The following KCNIP1 variants were observed in gnomAD, a reference collection of about 807,000 sequenced individuals.
KCNIP1 encodes A-type potassium channel modulatory protein KCNIP1.
Under a neutral mutation model 33.0 loss-of-function variants are expected in KCNIP1, and 18 were observed. The observed-to-expected ratio is 0.55, with a 90% CI of 0.38 to 0.81. The LOEUF (loss-of-function observed/expected upper bound fraction) is 0.81, where lower values mean the gene tolerates loss of function less well. Ranked by LOEUF, KCNIP1 falls within the 30% of genes least tolerant of loss-of-function variation. The probability of loss-of-function intolerance (pLI) is 0.00; values close to 1 mark genes in which losing one functional copy is unlikely to be tolerated. For missense variants in KCNIP1, 238 were observed against 271.6 expected (o/e 0.88, Z 0.87); for synonymous variants, 93 against 98.3 (o/e 0.95, Z 0.32).
intron 1 of KCNIP1, chr5:170,376,939 T>C (rs1421954169): frequency 6.6e-6 from 1 of 152,216 alleles, no homozygotes; most frequent in Non-Finnish European, 1.5e-5. Flanking sequence ...TAAACACCTA[T>C]GATGTGTCAA....
intron 1 of KCNIP1, among the ~76,000 whole-genome samples, chr5:170,701,339 A>C (rs1282576105): frequency 6.6e-6 from 1 of 152,198 alleles, no homozygotes; most frequent in East Asian, 1.9e-4. Flanking sequence ...TTGGGACTTA[A>C]ATGATGAGAA....
chr5:170,391,260 A>G (rs760300526), intron 1 of KCNIP1, among the ~76,000 whole-genome samples: 1 of 152,192 alleles, frequency 6.6e-6, no homozygotes, highest in Non-Finnish European at 1.5e-5. Context: ...ACAGGCTGCC[A>G]TTTATGAGTA....
chr5:170,638,479 T>G (rs1409855104), intron 1 of KCNIP1, among the ~76,000 whole-genome samples: 1 of 152,210 alleles, frequency 6.6e-6, no homozygotes, highest in African/African-American at 2.4e-5. Flanking sequence ...GCATACAATT[T>G]GACCCCATAG....
intron 1 of KCNIP1, among the ~76,000 whole-genome samples, chr5:170,662,097 G>A (rs922487824): frequency 5.9e-5 from 9 of 152,198 alleles, no homozygotes; most frequent in African/African-American, 2.2e-4. Context: ...ACTGTAGGTA[G>A]CAGATTTCAG....
At chr5:170,490,707 A>G (rs1029240141) in intron 1 of KCNIP1, among the ~76,000 whole-genome samples, 6 of 151,986 alleles carry the variant, frequency 3.9e-5, no homozygotes, top group African/African-American at 1.5e-4. Flanking sequence ...ACTTCTCACT[A>G]CTCTGCTTAT....
chr5:170,415,929 C>T (rs1042460537), intron 1 of KCNIP1, among the ~76,000 whole-genome samples: 2 of 152,078 alleles, frequency 1.3e-5, no homozygotes, highest in African/African-American at 2.4e-5. Flanking sequence ...GCACAGTCAC[C>T]GCACAGCTCT....
intron 1 of KCNIP1, chr5:170,483,018 G>A (rs1291457397): frequency 2.2e-6 from 1 of 447,530 alleles, no homozygotes; most frequent in Non-Finnish European, 4.5e-6. Flanking sequence ...AAAGTATGAG[G>A]TGGAAGAAAC....
chr5:170,432,355 T>C (rs531885568), intron 1 of KCNIP1, among the ~76,000 whole-genome samples: 1 of 152,344 alleles, frequency 6.6e-6, no homozygotes, highest in African/African-American at 2.4e-5. Flanking sequence ...TGAGATAATA[T>C]ATGTATTGGG....
intron 1 of KCNIP1, among the ~76,000 whole-genome samples, chr5:170,472,902 G>C (rs981484109): frequency 6.6e-6 from 1 of 152,198 alleles, no homozygotes; most frequent in Non-Finnish European, 1.5e-5. Flanking sequence ...GTGTGTGCAA[G>C]TATCTTTTTC....
At chr5:170,408,028 C>A (rs1177609396) in intron 1 of KCNIP1, among the ~76,000 whole-genome samples, 1 of 152,118 alleles carries the variant, frequency 6.6e-6, no homozygotes, top group African/African-American at 2.4e-5. Context: ...GTAACCTGGG[C>A]AGGATAATAG....
intron 5 of KCNIP1, among the ~76,000 whole-genome samples, chr5:170,726,745 C>CAA (rs57173351): frequency 1.9e-4 from 11 of 56,674 alleles, no homozygotes; most frequent in Non-Finnish European, 2.4e-4. Flanking sequence ...ACTAAAAATA[C>CAA]AAAAAAAAAA....
intron 1 of KCNIP1, among the ~76,000 whole-genome samples, chr5:170,574,052 T>A (rs1342392849): frequency 6.6e-6 from 1 of 152,216 alleles, no homozygotes; most frequent in Non-Finnish European, 1.5e-5. Flanking sequence ...ATGCACCAAA[T>A]AGCTGGGTTT....
At chr5:170,566,234 G>T (rs908788557) in intron 1 of KCNIP1, among the ~76,000 whole-genome samples, 65 of 152,008 alleles carry the variant, frequency 4.3e-4, no homozygotes, top group African/African-American at 1.3e-3. Flanking sequence ...CTAATTTTTG[G>T]TTTTTTGTCT....
At chr5:170,534,919 G>A (rs1216299136) in intron 1 of KCNIP1, among the ~76,000 whole-genome samples, 1 of 151,876 alleles carries the variant, frequency 6.6e-6, no homozygotes, top group East Asian at 1.9e-4. Context: ...TGTGTGCAGC[G>A]GGCTGTGCTG....
intron 1 of KCNIP1, among the ~76,000 whole-genome samples, chr5:170,458,239 G>C (rs562622530): frequency 1.3e-5 from 2 of 152,286 alleles, no homozygotes; most frequent in Admixed American, 1.3e-4. Flanking sequence ...CATTCCTGAG[G>C]AAGAAGAGAA....
At position 170,720,354 on chromosome 5, in the gene KCNIP1, T is replaced by A; in HGVS notation, c.220T>A (p.Phe74Ile). The change falls in exon 3 of 8, where the codon TTC (phenylalanine) becomes ATC (isoleucine). Residue 74 changes from phenylalanine to isoleucine, a missense_variant. By Grantham distance (21) the Phe-to-Ile change is conservative (BLOSUM62 0). Coordinates refer to ENST00000328939, the MANE Select transcript of KCNIP1 (RefSeq NM_014592.4). ...CAGTGGTGTGGTCAACGAAGACACA[T>A]TCAAGCAGATCTATGCTCAGTTTTT... is the stretch of plus-strand genomic sequence containing the variant. ...CPSGVVNEDT[F>I]KQIYAQFFPH... 1.2e-6 allele frequency: 2 copies of A among 1,614,138 alleles called. No individual in the cohort carries two copies. Among genetic ancestry groups the A allele is most frequent in the Non-Finnish European group, 1.7e-6 (2 of 1,179,990 alleles).
chr5:170,583,293 T>A (rs1252276453), intron 1 of KCNIP1, among the ~76,000 whole-genome samples: 1 of 152,234 alleles, frequency 6.6e-6, no homozygotes, highest in Non-Finnish European at 1.5e-5. Context: ...TACCTCTGTA[T>A]CCTCCAAGTA....
chr5:170,395,423 A>T (rs1754733573), intron 1 of KCNIP1, among the ~76,000 whole-genome samples: 1 of 152,196 alleles, frequency 6.6e-6, no homozygotes, highest in Non-Finnish European at 1.5e-5. Context: ...GTCGGGATAG[A>T]TTTCATCAAA....
At chr5:170,381,297 T>G (rs1040294417) in intron 1 of KCNIP1, among the ~76,000 whole-genome samples, 20 of 152,226 alleles carry the variant, frequency 1.3e-4, no homozygotes, top group African/African-American at 4.8e-4. Context: ...CAACCAGCTT[T>G]TTCCCAAGCC....
Sources: allele counts gnomAD v4.1 joint callset (sites outside exome capture counted in the v4.1 genomes callset), GRCh38; gene constraint gnomAD v4.1.1; transcripts MANE v1.5; gene names NCBI Gene and HGNC (gene_info 2026-07-23, HGNC 2026-07-21).